ADAMTSL1: variants seen among roughly 807,000 people sequenced by gnomAD.
ADAMTSL1 encodes the protein ADAMTS like 1, also known as ADAMTS-like protein 1.
A neutral mutation model predicts 201.8 loss-of-function variants in ADAMTSL1; 126 were observed. The ratio of observed to expected loss-of-function variants is 0.62; its 90% confidence interval spans 0.54 to 0.72. ADAMTSL1 has a LOEUF of 0.72. ADAMTSL1 is among the 30% of genes least tolerant of loss of function. The pLI is 0.00. For missense variants in ADAMTSL1, 2,679 were observed against 2,277.8 expected (o/e 1.18, Z -3.59); for synonymous variants, 1,121 against 903.4 (o/e 1.24, Z -4.32).
intron 2 of ADAMTSL1, among the ~76,000 whole-genome samples, chr9:18,319,603 C>T (rs537783654): frequency 9.2e-5 from 14 of 152,320 alleles, no homozygotes; most frequent in Non-Finnish European, 1.8e-4. Flanking sequence ...AGCCACCTCA[C>T]TCCTTGGCTT....
At chr9:18,614,353 G>GCTCATTGATA (rs1564090265) in intron 4 of ADAMTSL1, among the ~76,000 whole-genome samples, 1 of 152,026 alleles carries the variant, frequency 6.6e-6, no homozygotes, top group Non-Finnish European at 1.5e-5. Context: ...GCTCATTGAT[G>GCTCATTGATA]ACACAGTGCT....
intron 1 of ADAMTSL1, among the ~76,000 whole-genome samples, chr9:18,051,666 A>G (rs1821947729): frequency 6.6e-6 from 1 of 152,026 alleles, no homozygotes; most frequent in Non-Finnish European, 1.5e-5. Context: ...AGTTATTATC[A>G]GTCTTACTCA....
At chr9:17,932,291 G>A (rs189838158) in intron 1 of ADAMTSL1, among the ~76,000 whole-genome samples, 63 of 152,302 alleles carry the variant, frequency 4.1e-4, no homozygotes, top group African/African-American at 1.5e-3. Flanking sequence ...TTCCAGGGCG[G>A]TTGGCCACCT....
chr9:18,289,447 C>T (rs10123348), intron 2 of ADAMTSL1, among the ~76,000 whole-genome samples: 87,744 of 151,990 alleles, frequency 0.58, 25,600 homozygotes, highest in South Asian at 0.71. Flanking sequence ...AAAGCCAGGA[C>T]CAAGAGAAAG....
chr9:18,755,322 C>G (rs1819692011), intron 16 of ADAMTSL1, among the ~76,000 whole-genome samples: 1 of 152,176 alleles, frequency 6.6e-6, no homozygotes, highest in Non-Finnish European at 1.5e-5. Flanking sequence ...TCAACCTCCA[C>G]TGTTGAAATT....
At chr9:18,875,961 C>A (rs1263576390) in intron 23 of ADAMTSL1, among the ~76,000 whole-genome samples, 2 of 152,044 alleles carry the variant, frequency 1.3e-5, no homozygotes, top group African/African-American at 4.8e-5. Context: ...ATGATATTTT[C>A]CTGTTGGACT....
At chr9:18,213,742 A>AT (rs1172768661) in intron 2 of ADAMTSL1, among the ~76,000 whole-genome samples, 13 of 151,350 alleles carry the variant, frequency 8.6e-5, no homozygotes, top group South Asian at 2.1e-4. Context: ...AGTCCAAATA[A>AT]TTTTTTTTTG....
chr9:18,380,921 C>T (rs1226032902), intron 2 of ADAMTSL1, among the ~76,000 whole-genome samples: 1 of 152,166 alleles, frequency 6.6e-6, no homozygotes, highest in African/African-American at 2.4e-5. Context: ...ACCCTTTATG[C>T]TGAAGGAGCT....
Position 18,639,424 on chromosome 9 carries a change from TAG to T in ADAMTSL1, c.834+15_834+16del. ...TTTCATTGTCAAGGTGAGCCCTATTTAGATACCTCCTTTTCAAGCCACATCCC... is the reference window on the plus strand; with the variant it reads ...TTTCATTGTCAAGGTGAGCCCTATTTATACCTCCTTTTCAAGCCACATCCC... On this transcript the variant is annotated intron_variant, in intron 7 of 28. Transcript: ENST00000380548. The T allele has an allele frequency of 6.2e-7, 1 of 1,607,374 alleles. No individual in the cohort carries two copies. The highest frequency in any genetic ancestry group is 8.5e-7 in the Non-Finnish European group (1 of 1,176,190).
rs961553196 is a variant in ADAMTSL1, at chr9:18,890,757, C to T, written c.4643+1009C>T. The stretch of plus-strand genomic sequence containing the variant: ...CCCAGCTCCTGAAAAATTGCTGAAA[C>T]GTATATTTGGAAATAAAAGTTGATG... On this transcript the variant is annotated intron_variant, in intron 25 of 28. Transcript: ENST00000380548. 14 of 343,118 alleles carry T rather than the reference C, an allele frequency of 4.1e-5. No individual in the cohort carries two copies. The East Asian group carries it at 6.3e-4, about 16-fold the overall frequency. 21.3% of individuals were successfully genotyped at this position (343,118 alleles called of 1,614,324 possible).
chr9:18,149,013 G>A (rs765666492), intron 1 of ADAMTSL1, among the ~76,000 whole-genome samples: 8 of 152,006 alleles, frequency 5.3e-5, no homozygotes, highest in Non-Finnish European at 8.8e-5. Flanking sequence ...TTATTTGCCA[G>A]CAGGTTCTCC....
At chr9:18,544,863 A>G (rs1820380315) in intron 3 of ADAMTSL1, among the ~76,000 whole-genome samples, 1 of 152,232 alleles carries the variant, frequency 6.6e-6, no homozygotes, top group African/African-American at 2.4e-5. Flanking sequence ...GCATGTATGA[A>G]GAAAAGAAAA....
intron 2 of ADAMTSL1, among the ~76,000 whole-genome samples, chr9:18,313,118 C>T (rs1479063362): frequency 6.6e-6 from 1 of 152,186 alleles, no homozygotes. Flanking sequence ...ACACAGATTG[C>T]TGGGCTACAC....
At chr9:18,890,631 C>T (rs1829191920) in intron 25 of ADAMTSL1, 2 of 455,722 alleles carry the variant, frequency 4.4e-6, no homozygotes, top group East Asian at 1.4e-4. Flanking sequence ...AGCAGTTTGA[C>T]TTGCTGACGG....
chr9:18,669,766 G>T (rs1218109478), intron 9 of ADAMTSL1, among the ~76,000 whole-genome samples: 1 of 152,140 alleles, frequency 6.6e-6, no homozygotes. Flanking sequence ...GTAAGATAGA[G>T]TCCAATAGCA....
chr9:18,100,990 G>A (rs999262114), intron 1 of ADAMTSL1, among the ~76,000 whole-genome samples: 2 of 152,126 alleles, frequency 1.3e-5, no homozygotes, highest in African/African-American at 4.8e-5. Flanking sequence ...GTCCTCGCCT[G>A]CATGTAGTTG....
chr9:18,329,784 T>G (rs1168296541), intron 2 of ADAMTSL1, among the ~76,000 whole-genome samples: 1 of 141,996 alleles, frequency 7.0e-6, no homozygotes, highest in Non-Finnish European at 1.5e-5. Flanking sequence ...ATGTATGCAT[T>G]CATTCATTCA....
rs1265397257 is a variant in ADAMTSL1 at position 18,247,883 on chromosome 9, A to G, written c.207+83902A>G. 2.0e-5 allele frequency among the ~76,000 whole-genome samples: 3 copies of G among 151,984 alleles called. No individual in the cohort carries two copies. In the East Asian group the frequency reaches 5.8e-4, roughly 29 times the overall value. On this transcript the variant is annotated intron_variant, in intron 2 of 29. Transcript: ENST00000680146. ...TTGCATGCCTGGTATATATATGTAT[A>G]TATATGGATTGGATACTAAGGTAGG...
intron 2 of ADAMTSL1, among the ~76,000 whole-genome samples, chr9:18,205,267 C>T (rs1829602592): frequency 6.6e-6 from 1 of 152,044 alleles, no homozygotes; most frequent in African/African-American, 2.4e-5. Flanking sequence ...CTATAATGCT[C>T]TTAGAAATAG....
Sources: gnomAD v4.1 joint callset for allele counts (sites outside exome capture counted in the v4.1 genomes callset) on GRCh38, gnomAD v4.1.1 for gene constraint, MANE v1.5 for transcripts, NCBI Gene and HGNC (gene_info 2026-07-23, HGNC 2026-07-21) for gene names.